The following IL1RAPL1 variants were observed in gnomAD, a reference collection of about 807,000 sequenced individuals.
IL1RAPL1 encodes the protein interleukin-1 receptor accessory protein-like 1.
Under a neutral mutation model 48.4 loss-of-function variants are expected in IL1RAPL1, and 3 were observed. The observed-to-expected ratio is 0.06, with a 90% confidence interval of 0.03 to 0.16. IL1RAPL1 has a LOEUF of 0.16. Ranked by LOEUF, IL1RAPL1 falls within the 10% of genes least tolerant of loss-of-function variation. IL1RAPL1 has a pLI of 1.00. For synonymous variants in IL1RAPL1, 185 were observed against 187.7 expected, an observed-to-expected ratio of 0.99 and a Z score of 0.12; for missense variants, 349 against 530.6, an observed-to-expected ratio of 0.66 and a Z score of 3.36.
intron 3 of IL1RAPL1, among the ~76,000 whole-genome samples, chrX:29,378,970 C>T (rs1227535177): frequency 8.9e-6 from 1 of 112,625 alleles, no homozygotes; most frequent in African/African-American, 3.2e-5. Context: ...GCCTCACTCC[C>T]ATGCCAGTCC....
intron 2 of IL1RAPL1, among the ~76,000 whole-genome samples, chrX:28,927,276 A>G (rs1195185773): frequency 9.0e-6 from 1 of 111,242 alleles, no homozygotes; most frequent in Non-Finnish European, 1.9e-5. Flanking sequence ...CAGCCTTTCC[A>G]CTTGGACTCT....
chrX:29,883,058 A>G (rs10126905), intron 6 of IL1RAPL1, among the ~76,000 whole-genome samples: 3,601 of 111,700 alleles, frequency 0.032, 130 homozygotes, highest in African/African-American at 0.11. Context: ...TCAGTAACGT[A>G]GGGTCACACA....
chrX:29,744,605 A>G (rs1928285829), intron 6 of IL1RAPL1, among the ~76,000 whole-genome samples: 2 of 112,297 alleles, frequency 1.8e-5, no homozygotes, highest in Non-Finnish European at 3.8e-5. Context: ...TGTGTGATTA[A>G]CTGTTTAGTT....
At chrX:29,350,049 G>C (rs1933202247) in intron 3 of IL1RAPL1, among the ~76,000 whole-genome samples, 1 of 105,429 alleles carries the variant, frequency 9.5e-6, no homozygotes, top group Non-Finnish European at 1.9e-5. Context: ...CGCTTCCAAT[G>C]CTCCTTTATT....
intron 6 of IL1RAPL1, among the ~76,000 whole-genome samples, chrX:29,709,628 T>A (rs1396208323): frequency 9.0e-6 from 1 of 111,571 alleles, no homozygotes; most frequent in East Asian, 2.8e-4. Context: ...TTTTTGCTCA[T>A]GTTTGCTTTT....
intron 2 of IL1RAPL1, among the ~76,000 whole-genome samples, chrX:29,054,993 A>G (rs985251430): frequency 8.9e-6 from 1 of 111,905 alleles, no homozygotes; most frequent in Non-Finnish European, 1.9e-5. Flanking sequence ...GGTCAAATAC[A>G]TGTGCAGACC....
intron 3 of IL1RAPL1, among the ~76,000 whole-genome samples, chrX:29,306,860 C>CAA (rs1168897352): frequency 4.1e-3 from 114 of 27,661 alleles, no homozygotes; most frequent in Non-Finnish European, 4.8e-3. Context: ...GACTCTGTCT[C>CAA]AAAAAAAAAA....
chrX:29,447,983 A>G (rs954600881), intron 5 of IL1RAPL1, among the ~76,000 whole-genome samples: 12 of 112,047 alleles, frequency 1.1e-4, no homozygotes, highest in African/African-American at 2.3e-4. Flanking sequence ...AAGAAATTGC[A>G]TAAGCAAGCA....
chrX:29,137,256 G>GCGCGCA (rs899409088), intron 2 of IL1RAPL1, among the ~76,000 whole-genome samples: 72 of 27,603 alleles, frequency 2.6e-3, no homozygotes, highest in African/African-American at 9.5e-3. Context: ...ACACACTTGC[G>GCGCGCA]CTCACACACA....
intron 5 of IL1RAPL1, among the ~76,000 whole-genome samples, chrX:29,521,546 A>C (rs1935502934): frequency 8.9e-6 from 1 of 112,929 alleles, no homozygotes; most frequent in Non-Finnish European, 1.9e-5. Flanking sequence ...TGAACAGCAC[A>C]TGAAAGCTGG....
chrX:29,228,713 T>A (rs1223151279), intron 2 of IL1RAPL1, among the ~76,000 whole-genome samples: 1 of 112,065 alleles, frequency 8.9e-6, no homozygotes, highest in Middle Eastern at 4.2e-3. Flanking sequence ...TCTTCCTTTA[T>A]CTTTTTCTTT....
At chrX:29,289,458 G>A (rs141068859) in intron 3 of IL1RAPL1, among the ~76,000 whole-genome samples, 50 of 112,052 alleles carry the variant, frequency 4.5e-4, no homozygotes, top group African/African-American at 1.4e-3. Flanking sequence ...ATACCAAACT[G>A]TATTGATTAG....
intron 6 of IL1RAPL1, among the ~76,000 whole-genome samples, chrX:29,673,903 A>G (rs1926204614): frequency 8.9e-6 from 1 of 112,037 alleles, no homozygotes; most frequent in Admixed American, 9.5e-5. Flanking sequence ...TTGTCATACC[A>G]CTATTTCAGT....
chrX:29,870,763 A>G (rs1422338224), intron 6 of IL1RAPL1, among the ~76,000 whole-genome samples: 1 of 112,183 alleles, frequency 8.9e-6, no homozygotes, highest in Non-Finnish European at 1.9e-5. Flanking sequence ...AGTCACTAAG[A>G]TATACCCATA....
chrX:28,716,698 CT>C (rs1457398840), intron 1 of IL1RAPL1, among the ~76,000 whole-genome samples: 2 of 111,746 alleles, frequency 1.8e-5, no homozygotes, highest in Non-Finnish European at 3.8e-5. Flanking sequence ...AAATAAAGAG[CT>C]TCTGCACAGC....
chrX:28,832,847 A>C (rs1569182427), intron 2 of IL1RAPL1, among the ~76,000 whole-genome samples: 1 of 81,134 alleles, frequency 1.2e-5, no homozygotes, highest in South Asian at 5.3e-4. Context: ...TTTTAGATTC[A>C]GGGGGTACAT....
At chrX:29,466,407 C>T (rs949511575) in intron 5 of IL1RAPL1, among the ~76,000 whole-genome samples, 1 of 111,932 alleles carries the variant, frequency 8.9e-6, no homozygotes, top group African/African-American at 3.2e-5. Flanking sequence ...ACAGAAAAAA[C>T]CTGAAACCTC....
chrX:29,532,056 A>G (rs764858343), intron 5 of IL1RAPL1, among the ~76,000 whole-genome samples: 41 of 112,037 alleles, frequency 3.7e-4, no homozygotes, highest in Non-Finnish European at 6.4e-4. Context: ...AATTCAACCA[A>G]TAACACATAG....
At chrX:29,910,155 C>T (rs752511249) in intron 6 of IL1RAPL1, among the ~76,000 whole-genome samples, 1 of 110,640 alleles carries the variant, frequency 9.0e-6, no homozygotes, top group Admixed American at 9.7e-5. Context: ...GGAAAGAAAA[C>T]CAAATACCAC....
Sources: allele counts gnomAD v4.1 joint callset (sites outside exome capture counted in the v4.1 genomes callset), GRCh38; gene constraint gnomAD v4.1.1; transcripts MANE v1.5; gene names NCBI Gene and HGNC (gene_info 2026-07-23, HGNC 2026-07-21).